The following SLC4A7 variants were observed in gnomAD, a reference collection of about 807,000 sequenced individuals.
SLC4A7 encodes the protein sodium bicarbonate cotransporter 3.
In SLC4A7, 51 loss-of-function variants were observed where a neutral mutation model predicts 137.6. The ratio of observed to expected loss-of-function variants is 0.37; its 90% CI spans 0.30 to 0.47. The LOEUF (loss-of-function observed/expected upper bound fraction) is 0.47. Among genes scored for constraint, SLC4A7 ranks in the 20% least tolerant of loss-of-function variants. The pLI is 1.00. For synonymous variants in SLC4A7, 542 were observed against 518.6 expected, an observed-to-expected ratio of 1.05 and a Z score of -0.61; for missense variants, 1,247 against 1,525.4, an observed-to-expected ratio of 0.82 and a Z score of 3.04.
intron 12 of SLC4A7, among the ~76,000 whole-genome samples, chr3:27,411,014 TAAAG>T (rs2053850166): frequency 6.6e-6 from 1 of 152,154 alleles, no homozygotes; most frequent in Non-Finnish European, 1.5e-5. Flanking sequence ...CAGTGGACAA[TAAAG>T]AATCAATAGC....
At chr3:27,483,420 C>G (rs1440091589) in intron 1 of SLC4A7, among the ~76,000 whole-genome samples, 2 of 152,198 alleles carry the variant, frequency 1.3e-5, no homozygotes, top group Non-Finnish European at 2.9e-5. Context: ...AGGATACTCC[C>G]CGGGTCCCAG....
At chr3:27,460,374 C>T (rs2058634392) in intron 1 of SLC4A7, among the ~76,000 whole-genome samples, 1 of 152,056 alleles carries the variant, frequency 6.6e-6, no homozygotes, top group Non-Finnish European at 1.5e-5. Context: ...ATTTACATTC[C>T]ATTCAATATT....
intron 23 of SLC4A7, 105 bp downstream of exon 23, chr3:27,385,787 G>C: frequency 1.3e-6 from 1 of 751,558 alleles, no homozygotes; most frequent in Non-Finnish European, 2.1e-6. Context: ...TTCTTAGAAG[G>C]ATGAAAGGAA....
intron 18 of SLC4A7, among the ~76,000 whole-genome samples, 173 bp from the exon 19 acceptor site, chr3:27,395,288 C>G (rs192671498): frequency 4.5e-4 from 68 of 152,276 alleles, no homozygotes; most frequent in African/African-American, 1.6e-3. Flanking sequence ...CTTCCTATCC[C>G]TATAACTATA....
chr3:27,390,359 T>C (rs778011657), intron 21 of SLC4A7: 20 of 333,728 alleles, frequency 6.0e-5, no homozygotes, highest in Non-Finnish European at 1.1e-4. Context: ...AGCCAAAATG[T>C]TTAATTCAGA....
chr3:27,468,519 A>G (rs113764789), intron 1 of SLC4A7, among the ~76,000 whole-genome samples: 1,628 of 152,244 alleles, frequency 0.011, 10 homozygotes, highest in South Asian at 0.02. Flanking sequence ...GCACTGTGCT[A>G]TGAAGCCACC....
chr3:27,404,762 T>C, intron 14 of SLC4A7, 68 bp downstream of exon 14: 1 of 1,293,880 alleles, frequency 7.7e-7, no homozygotes, highest in Non-Finnish European at 1.1e-6. Flanking sequence ...AATTAAATAA[T>C]TCCCTTCTAA....
chr3:27,404,234 T>G (rs6551198), intron 14 of SLC4A7, among the ~76,000 whole-genome samples: 140,835 of 152,224 alleles, frequency 0.93, 65,273 homozygotes, highest in East Asian at 1. Flanking sequence ...CAGGTGTGGT[T>G]GCGGCGCCAG....
At position 27,484,069 on chromosome 3, in the gene SLC4A7, T is replaced by G; in HGVS notation, c.58A>C (p.Arg20=). ...CCCCACCGCCGCGGCGCCCTCACCC[T>G]GCTCGTTACCCGGGTGAGTAGCGGT... ...MRPLLTRVTS[R]GPDEEAVVDL... The change falls in exon 1 of 26, where the codon AGG becomes CGG. Residue 20 remains arginine, a splice_region_variant and synonymous_variant. Coordinates refer to ENST00000454389, the MANE Select transcript of SLC4A7 (RefSeq NM_001321103.2). 1 of 1,408,528 alleles carries G rather than the reference T, an allele frequency of 7.1e-7. No individual in the cohort carries two copies. The highest frequency in any genetic ancestry group is 9.3e-7 in the Non-Finnish European group (1 of 1,077,280). 87.3% of individuals were successfully genotyped at this position (1,408,528 alleles called of 1,614,324 possible). A position where few individuals can be genotyped will look rare whatever the true frequency, so the allele number is the denominator to read the frequency against.
At position 27,409,476 on chromosome 3, in the gene SLC4A7, A is replaced by G. The variant is rs749245513; in HGVS notation, c.1821T>C (p.Ser607=). 1.2e-6 allele frequency: 2 copies of G among 1,613,628 alleles called. No homozygotes were observed. Among genetic ancestry groups the G allele is most frequent in the Non-Finnish European group, 1.7e-6 (2 of 1,179,766 alleles). ...GCAGGCTTAATGCATCCTTGAAGTC[A>G]CTCAAGAAAAAAGGTGCTTTCCTTT... ...DIKRKAPFFL[S]DFKDALSLQC... The change falls in exon 13 of 26, where the codon AGT becomes AGC. Residue 607 remains serine, a synonymous_variant. Coordinates refer to ENST00000454389, the MANE Select transcript of SLC4A7 (RefSeq NM_001321103.2).
rs569987537 is a variant in SLC4A7 at position 27,459,195 on chromosome 3, G to A, written c.61-6697C>T. On this transcript the variant is annotated intron_variant, in intron 1 of 25. Transcript: ENST00000454389. Reference sequence around the variant, plus strand: ...GAAGGGAAGGTTAAGCAACCCCAGAGGGAAAAGAAGAAGAAACTAGGTGCA... The same window carrying A: ...GAAGGGAAGGTTAAGCAACCCCAGAAGGAAAAGAAGAAGAAACTAGGTGCA... Among the ~76,000 whole-genome samples the A allele has an allele frequency of 7.9e-5, 12 of 152,116 alleles. No individual in the cohort carries two copies. In the East Asian group the frequency reaches 1.7e-3, roughly 22 times the overall value.
At chr3:27,387,084 A>G (rs968218373) in intron 22 of SLC4A7, among the ~76,000 whole-genome samples, 6 of 152,152 alleles carry the variant, frequency 3.9e-5, no homozygotes, top group African/African-American at 1.4e-4. Flanking sequence ...TGCCAATTCT[A>G]TATTATGGTG....
At position 27,484,291 on chromosome 3, in the gene SLC4A7, G is replaced by T; in HGVS notation, c.-165C>A. On this transcript the variant is annotated 5_prime_UTR_variant, in exon 1 of 26. Transcript: ENST00000454389. ...GCGTGGGGAGAGCCGGGCGCCGGGC[G>T]CGGGAGACGCGGGGCGTGCGTGTGC... 1 of 418,664 alleles carries T rather than the reference G, an allele frequency of 2.4e-6. No homozygotes were observed. The highest frequency in any genetic ancestry group is 3.9e-6 in the Non-Finnish European group (1 of 256,674). The allele number at this position is 418,664 out of a possible 1,614,324, so 25.9% of individuals were successfully genotyped here.
chr3:27,438,359 G>A (rs1158426317), intron 3 of SLC4A7, among the ~76,000 whole-genome samples: 1 of 151,414 alleles, frequency 6.6e-6, no homozygotes, highest in African/African-American at 2.4e-5. Context: ...ACAAAAATTA[G>A]CCAGGCATGG....
chr3:27,456,524 A>T, intron 1 of SLC4A7: 1 of 692,494 alleles, frequency 1.4e-6, no homozygotes, highest in Non-Finnish European at 2.5e-6. Flanking sequence ...TTCCACAGCC[A>T]AGGACACAAA....
rs2057794629 is a variant in SLC4A7 at position 27,448,080 on chromosome 3, C to T, written c.289+571G>A. Among the ~76,000 whole-genome samples, 5 of 151,816 alleles carry T rather than the reference C, an allele frequency of 3.3e-5. No individual in the cohort carries two copies. In the South Asian group the frequency reaches 1.0e-3, roughly 32 times the overall value. ...TACAAAAATTACCCTGGCATGGTGG[C>T]GTGCGCCTGTAATCTCAGCTACTTG... On this transcript the variant is annotated intron_variant, in intron 3 of 25. Transcript: ENST00000454389.
At chr3:27,437,244 G>A (rs1427234292) in intron 4 of SLC4A7, 144 bp downstream of exon 4, 4 of 422,154 alleles carry the variant, frequency 9.5e-6, no homozygotes, top group Non-Finnish European at 1.6e-5. Flanking sequence ...TCAGCTACTC[G>A]GGAGGCTGAG....
At chr3:27,382,306 G>A (rs2050504792) in intron 24 of SLC4A7, among the ~76,000 whole-genome samples, 1 of 151,936 alleles carries the variant, frequency 6.6e-6, no homozygotes, top group South Asian at 2.1e-4. Flanking sequence ...AGTAGAGACA[G>A]GTTTCCCCAT....
intron 1 of SLC4A7, among the ~76,000 whole-genome samples, chr3:27,454,064 AC>A (rs1259100690): frequency 2.1e-4 from 32 of 152,300 alleles, no homozygotes; most frequent in African/African-American, 7.5e-4. Context: ...AAATCCCAGT[AC>A]TTTGGGAGGC....
Sources: gnomAD v4.1 joint callset for allele counts (sites outside exome capture counted in the v4.1 genomes callset) on GRCh38, gnomAD v4.1.1 for gene constraint, MANE v1.5 for transcripts, NCBI Gene and HGNC (gene_info 2026-07-23, HGNC 2026-07-21) for gene names.